The following BCKDHB variants were observed in gnomAD, a reference collection of about 807,000 sequenced individuals.
BCKDHB encodes the protein branched chain keto acid dehydrogenase E1 subunit beta, also known as 2-oxoisovalerate dehydrogenase subunit beta, mitochondrial.
BCKDHB carries 41 observed loss-of-function variants against 48.5 expected under a neutral mutation model. The observed-to-expected ratio is 0.85, with a 90% confidence interval of 0.66 to 1.10. The LOEUF is 1.10. Ranked by LOEUF, BCKDHB falls within the 50% of genes least tolerant of loss-of-function variation. The pLI is 0.00. For missense variants in BCKDHB, 496 were observed against 494.2 expected, an observed-to-expected ratio of 1.00 and a Z score of -0.03; for synonymous variants, 201 against 174.8, an observed-to-expected ratio of 1.15 and a Z score of -1.18.
At chr6:80,325,534 T>C (rs1768989781) in intron 9 of BCKDHB, among the ~76,000 whole-genome samples, 1 of 152,232 alleles carries the variant, frequency 6.6e-6, no homozygotes, top group Non-Finnish European at 1.5e-5. Flanking sequence ...AAAAACTGTT[T>C]AAGATAAAGC....
chr6:80,462,728 G>A, the BCKDHB span: 1 of 152,188 alleles, frequency 6.6e-6, no homozygotes, highest in African/African-American at 2.4e-5. Context: ...GGGAATTCAA[G>A]TAGAATCCAG....
intron 8 of BCKDHB, among the ~76,000 whole-genome samples, chr6:80,236,056 A>G (rs896377434): frequency 6.6e-6 from 1 of 152,230 alleles, no homozygotes; most frequent in Non-Finnish European, 1.5e-5. Context: ...TGTAAAATGT[A>G]AAATTAATTT....
chr6:80,147,848 A>C (rs1771564458), intron 3 of BCKDHB, among the ~76,000 whole-genome samples: 1 of 152,028 alleles, frequency 6.6e-6, no homozygotes, highest in African/African-American at 2.4e-5. Context: ...GTGGTAGTGG[A>C]GGGAAGGGAT....
intron 3 of BCKDHB, among the ~76,000 whole-genome samples, chr6:80,162,332 A>G (rs1465776508): frequency 6.6e-6 from 1 of 152,214 alleles, no homozygotes; most frequent in Non-Finnish European, 1.5e-5. Context: ...ATGTACCACC[A>G]TCAATGCCCA....
intron 3 of BCKDHB, among the ~76,000 whole-genome samples, chr6:80,148,260 T>G (rs1771582938): frequency 6.6e-6 from 1 of 152,178 alleles, no homozygotes; most frequent in Admixed American, 6.6e-5. Context: ...TGCTTAAAAG[T>G]GGTCCTGACA....
At chr6:80,163,246 C>G (rs183103891) in intron 3 of BCKDHB, among the ~76,000 whole-genome samples, 1 of 151,988 alleles carries the variant, frequency 6.6e-6, no homozygotes, top group East Asian at 1.9e-4. Flanking sequence ...ATAATTGTCA[C>G]TACTCATTGT....
intron 8 of BCKDHB, among the ~76,000 whole-genome samples, chr6:80,254,527 C>A (rs1050478475): frequency 2.0e-5 from 3 of 151,984 alleles, no homozygotes; most frequent in Admixed American, 2.0e-4. Flanking sequence ...GAGACCCCAT[C>A]TCTACAAAAA....
chr6:80,263,122 A>G (rs1157785435), intron 8 of BCKDHB, among the ~76,000 whole-genome samples: 1 of 152,150 alleles, frequency 6.6e-6, no homozygotes, highest in Non-Finnish European at 1.5e-5. Flanking sequence ...CCTATTAGCA[A>G]TAATGTAATT....
At chr6:80,115,885 CT>C (rs1769674497) in intron 1 of BCKDHB, among the ~76,000 whole-genome samples, 1 of 146,864 alleles carries the variant, frequency 6.8e-6, no homozygotes, top group African/African-American at 2.5e-5. Flanking sequence ...ATCCACCCCC[CT>C]CGGCCTCCCA....
At chr6:80,432,300 A>G in the BCKDHB span, among the ~76,000 whole-genome samples, 1 of 152,154 alleles carries the variant, frequency 6.6e-6, no homozygotes, top group Non-Finnish European at 1.5e-5. Flanking sequence ...CATTCTGCCC[A>G]TCAATTTCAG....
the BCKDHB span, among the ~76,000 whole-genome samples, chr6:80,375,865 T>G: frequency 6.6e-6 from 1 of 152,204 alleles, no homozygotes; most frequent in African/African-American, 2.4e-5. Flanking sequence ...GGTGCTCTCC[T>G]TCTTCCCCTA....
At chr6:80,148,893 C>G (rs960374565) in intron 3 of BCKDHB, among the ~76,000 whole-genome samples, 5 of 152,178 alleles carry the variant, frequency 3.3e-5, no homozygotes, top group African/African-American at 1.2e-4. Flanking sequence ...CATTACCATT[C>G]AGGACATAGG....
chr6:80,336,456 C>T (rs1217525494), intron 9 of BCKDHB, among the ~76,000 whole-genome samples: 1 of 136,050 alleles, frequency 7.4e-6, no homozygotes, highest in African/African-American at 2.8e-5. Flanking sequence ...GATTCAGTTC[C>T]ATTCTTTAAC....
At chr6:80,402,651 C>A in the BCKDHB span, among the ~76,000 whole-genome samples, 2 of 151,574 alleles carry the variant, frequency 1.3e-5, no homozygotes, top group Non-Finnish European at 3.0e-5. Context: ...ATTGCCTGTA[C>A]TTTTGGTGTT....
the BCKDHB span, among the ~76,000 whole-genome samples, chr6:80,386,578 A>G: frequency 1.6e-4 from 24 of 152,150 alleles, no homozygotes; most frequent in South Asian, 3.5e-3. Context: ...TTTAAATGCA[A>G]TGGGAATAAT....
At chr6:80,108,953 A>G (rs1230642354) in intron 1 of BCKDHB, among the ~76,000 whole-genome samples, 1 of 152,226 alleles carries the variant, frequency 6.6e-6, no homozygotes, top group Non-Finnish European at 1.5e-5. Context: ...ATTTCCTTTT[A>G]GTTTCGTATT....
chr6:80,448,494 G>C, the BCKDHB span, among the ~76,000 whole-genome samples: 1 of 152,224 alleles, frequency 6.6e-6, no homozygotes, highest in South Asian at 2.1e-4. Context: ...GGCCAGGATG[G>C]CAATGACAGA....
At chr6:80,270,311 GA>G (rs1419197242) in intron 8 of BCKDHB, among the ~76,000 whole-genome samples, 1 of 151,836 alleles carries the variant, frequency 6.6e-6, no homozygotes, top group Non-Finnish European at 1.5e-5. Context: ...CATTGGCAAT[GA>G]TTTTTAAGAA....
chr6:80,226,984 A>AT (rs1775707734), intron 8 of BCKDHB, among the ~76,000 whole-genome samples: 1 of 152,098 alleles, frequency 6.6e-6, no homozygotes, highest in South Asian at 2.1e-4. Flanking sequence ...TGTAAAACTG[A>AT]GACTTTCTTT....
Sources: allele counts gnomAD v4.1 joint callset (sites outside exome capture counted in the v4.1 genomes callset), GRCh38; gene constraint gnomAD v4.1.1; transcripts MANE v1.5; gene names NCBI Gene and HGNC (gene_info 2026-07-23, HGNC 2026-07-21).